BET1: variants seen among roughly 807,000 people sequenced by gnomAD.
The protein encoded by BET1 is Bet1 golgi vesicular membrane trafficking protein.
A neutral mutation model predicts 13.9 loss-of-function variants in BET1; 9 were observed. The observed-to-expected ratio is 0.65, with a 90% confidence interval of 0.39 to 1.13. The LOEUF is 1.13. Among genes scored for constraint, BET1 ranks in the 50% most tolerant of loss-of-function variants. BET1 has a pLI of 0.01. For synonymous variants in BET1, 39 were observed against 47.3 expected, an observed-to-expected ratio of 0.82 and a Z score of 0.72; for missense variants, 127 against 133.6, an observed-to-expected ratio of 0.95 and a Z score of 0.24.
chr7:93,991,065 A>T (rs1322269847), downstream of BET1, among the ~76,000 whole-genome samples: 1 of 152,198 alleles, frequency 6.6e-6, no homozygotes, highest in African/African-American at 2.4e-5. Context: ...TGAAATGTAC[A>T]GAAGGATCCT....
At chr7:94,004,090 T>C (rs1795973763) in intron 1 of BET1, 108 bp downstream of exon 1, 1 of 1,522,310 alleles carries the variant, frequency 6.6e-7, no homozygotes, top group Non-Finnish European at 9.1e-7. Flanking sequence ...CTAGACATCC[T>C]GTTTTTTGGA....
intron 6 of BET1, chr7:93,969,435 G>T (rs536832855): frequency 6.6e-6 from 1 of 151,828 alleles, no homozygotes; most frequent in Non-Finnish European, 1.5e-5. Context: ...ATTGTAACTT[G>T]GCAGTCACTC....
chr7:93,998,807 A>G (rs1795827025), intron 2 of BET1, among the ~76,000 whole-genome samples: 1 of 152,182 alleles, frequency 6.6e-6, no homozygotes, highest in Non-Finnish European at 1.5e-5. Flanking sequence ...AATGAAGTAC[A>G]AAGGTAGAAA....
intron 3 of BET1, 143 bp from the exon 4 acceptor site, chr7:93,994,528 C>T (rs1373024320): frequency 5.5e-6 from 5 of 915,300 alleles, no homozygotes; most frequent in East Asian, 2.7e-5. Context: ...CTGTTGATAA[C>T]CTTGGATAAT....
Position 93,993,510 on chromosome 7 carries a change from G to A in BET1, c.*720C>T. On this transcript the variant is annotated 3_prime_UTR_variant, in exon 4 of 4. Transcript: ENST00000222547. ...TTATTCTGTCACAAATGATAAATGT[G>A]CTACCTATGTAGTAAAAATCATAAA... 1 of 988,484 alleles carries A rather than the reference G, an allele frequency of 1.0e-6. No homozygotes were observed. The highest frequency in any genetic ancestry group is 1.2e-6 in the Non-Finnish European group (1 of 828,308). The allele number at this position is 988,484 out of a possible 1,614,324, so 61.2% of individuals were successfully genotyped here.
intron 4 of BET1, among the ~76,000 whole-genome samples, chr7:93,981,030 T>G (rs937580153): frequency 4.5e-4 from 68 of 152,340 alleles, no homozygotes; most frequent in Middle Eastern, 3.4e-3. Flanking sequence ...TTTTAGACAG[T>G]TTCTTCAATT....
In BET1 at chr7:93,999,377, C is replaced by T; in HGVS notation, c.20-83G>A. On this transcript the variant is annotated intron_variant, in intron 1 of 3. Coordinates refer to ENST00000222547, the MANE Select transcript of BET1 (RefSeq NM_005868.6). ...AGTTAGGAAAGAACTGAAAAAGACC[C>T]CTGGAGGGCCTTGCAAACCACATAT... 4.0e-6 allele frequency: 6 copies of T among 1,505,272 alleles called. No homozygotes were observed. In the South Asian group the frequency reaches 6.8e-5, roughly 17 times the overall value. The allele number at this position is 1,505,272 out of a possible 1,614,324, so 93.2% of individuals were successfully genotyped here.
intron 6 of BET1, among the ~76,000 whole-genome samples, chr7:93,966,750 A>G (rs1025723210): frequency 4.0e-5 from 6 of 151,734 alleles, no homozygotes; most frequent in Non-Finnish European, 5.9e-5. Context: ...AGCCCAAAGG[A>G]TTGGTAGTTT....
Position 93,977,959 on chromosome 7 carries a change from C to T in BET1, c.236-1859G>A, listed in dbSNP as rs150527549. Among the ~76,000 whole-genome samples the T allele has an allele frequency of 3.9e-5, 6 of 152,220 alleles. No individual in the cohort carries two copies. The East Asian group carries it at 1.2e-3, about 29-fold the overall frequency. ...CCTTCAATTCCCCTACGTGTACAGG[C>T]TCAAATTCAAGCTCCTTACTAGCAT... On this transcript the variant is annotated intron_variant and NMD_transcript_variant, in intron 4 of 6. Coordinates refer to the BET1 transcript ENST00000357520.
At chr7:94,002,072 C>A (rs1456457469) in intron 1 of BET1, among the ~76,000 whole-genome samples, 1 of 152,112 alleles carries the variant, frequency 6.6e-6, no homozygotes, top group Non-Finnish European at 1.5e-5. Context: ...AAATAAAATG[C>A]TAGAATTGCT....
At chr7:93,969,184 G>T (rs1241482395) in intron 6 of BET1, among the ~76,000 whole-genome samples, 1 of 151,856 alleles carries the variant, frequency 6.6e-6, no homozygotes, top group East Asian at 1.9e-4. Context: ...AGAGGAGGAA[G>T]AATGAGAGGC....
intron 4 of BET1, among the ~76,000 whole-genome samples, chr7:93,980,321 T>TAAC (rs964736239): frequency 1.2e-4 from 19 of 152,164 alleles, no homozygotes; most frequent in South Asian, 6.2e-4. Context: ...CACTATTTTT[T>TAAC]AACAACAACA....
chr7:93,970,907 T>C (rs1403816373), intron 6 of BET1, among the ~76,000 whole-genome samples: 6 of 151,780 alleles, frequency 4.0e-5, no homozygotes, highest in African/African-American at 1.4e-4. Flanking sequence ...AGAATGAACA[T>C]AGAAATCTTG....
chr7:93,977,384 C>T (rs1018706124), intron 4 of BET1, among the ~76,000 whole-genome samples: 1 of 152,026 alleles, frequency 6.6e-6, no homozygotes, highest in Non-Finnish European at 1.5e-5. Context: ...CCTTCATTGG[C>T]TTTGTTACAG....
chr7:93,970,496 G>A (rs567360808), intron 6 of BET1, among the ~76,000 whole-genome samples: 49 of 151,764 alleles, frequency 3.2e-4, no homozygotes, highest in East Asian at 9.7e-4. Flanking sequence ...CATATTTTAC[G>A]CATTTTTTTC....
In BET1 at chr7:93,993,525, A is replaced by G. The variant is rs1795685643; in HGVS notation, c.*705T>C. ...TGATAAATGTGCTACCTATGTAGTA[A>G]AAATCATAAAACTATTATAAGCCAA... On this transcript the variant is annotated 3_prime_UTR_variant, in exon 4 of 4. Transcript: ENST00000222547. 1.0e-6 allele frequency: 1 copy of G among 1,000,248 alleles called. No individual in the cohort carries two copies. Among genetic ancestry groups the G allele is most frequent in the African/African-American group, 1.7e-5 (1 of 58,060 alleles). 62.0% of individuals were successfully genotyped at this position (1,000,248 alleles called of 1,614,324 possible). A position where few individuals can be genotyped will look rare whatever the true frequency, so the allele number is the denominator to read the frequency against.
chr7:94,001,329 T>TA (rs1408694106), intron 1 of BET1, among the ~76,000 whole-genome samples: 7 of 152,316 alleles, frequency 4.6e-5, no homozygotes, highest in African/African-American at 1.4e-4. Flanking sequence ...AGTTCACTGT[T>TA]ATTGAACTTT....
chr7:94,004,266 G>C lies in BET1; in HGVS notation c.-50C>G. On this transcript the variant is annotated 5_prime_UTR_variant, in exon 1 of 4. Transcript: ENST00000222547. ...GCGGGTGCGGGGCTTTGGGTGAGTA[G>C]GAAACAGCTAGGGGCGACCCGGACC... The C allele has an allele frequency of 6.2e-7, 1 of 1,613,872 alleles. No homozygotes were observed. Among genetic ancestry groups the C allele is most frequent in the Non-Finnish European group, 8.5e-7 (1 of 1,179,842 alleles).
intron 3 of BET1, among the ~76,000 whole-genome samples, chr7:93,995,712 G>C (rs1278479676): frequency 6.6e-6 from 1 of 152,130 alleles, no homozygotes; most frequent in Non-Finnish European, 1.5e-5. Flanking sequence ...AAAGCACATG[G>C]AACCAGAGAA....
Sources: allele counts gnomAD v4.1 joint callset (sites outside exome capture counted in the v4.1 genomes callset), GRCh38; gene constraint gnomAD v4.1.1; transcripts MANE v1.5; gene names NCBI Gene and HGNC (gene_info 2026-07-23, HGNC 2026-07-21).